Variants in AGK observed in about 807,000 individuals in gnomAD.
The protein encoded by AGK is acylglycerol kinase, mitochondrial.
AGK carries 52 observed loss-of-function variants against 66.4 expected under a neutral mutation model. The ratio of observed to expected loss-of-function variants is 0.78; its 90% CI spans 0.63 to 0.99. The LOEUF (loss-of-function observed/expected upper bound fraction) is 0.99. Ranked by LOEUF, AGK falls within the 50% of genes least tolerant of loss-of-function variation. The pLI is 0.00. For missense variants in AGK, 451 were observed against 506.6 expected, an observed-to-expected ratio of 0.89 and a Z score of 1.05; for synonymous variants, 182 against 181.1, an observed-to-expected ratio of 1.00 and a Z score of -0.04.
At chr7:141,577,820 T>TC (rs1487672817) in intron 2 of AGK, among the ~76,000 whole-genome samples, 4 of 138,996 alleles carry the variant, frequency 2.9e-5, no homozygotes, top group African/African-American at 3.0e-5. Flanking sequence ...TAAATCTTCT[T>TC]TTTTTTTTTT....
chr7:141,589,335 A>C (rs117236126), intron 2 of AGK, among the ~76,000 whole-genome samples: 1,645 of 152,332 alleles, frequency 0.011, 14 homozygotes, highest in Non-Finnish European at 0.017. Context: ...TAGTTGCTCT[A>C]TGAATTTTAA....
At chr7:141,603,378 G>A (rs986463022) in intron 5 of AGK, among the ~76,000 whole-genome samples, 2 of 152,022 alleles carry the variant, frequency 1.3e-5, no homozygotes, top group East Asian at 3.8e-4. Flanking sequence ...CCCTGTCATA[G>A]AATAACTATT....
Position 141,621,730 on chromosome 7 carries a change from A to T in AGK, c.519-2A>T. Reference sequence around the variant, plus strand: ...ATATGATCATTTCCTTTTCTCTTTTAGACATATTACTGATGCCACACTTGC... The same window carrying T: ...ATATGATCATTTCCTTTTCTCTTTTTGACATATTACTGATGCCACACTTGC... On this transcript the variant is annotated splice_acceptor_variant, in intron 8 of 15. Coordinates refer to ENST00000649286, the MANE Select transcript of AGK (RefSeq NM_018238.4). LOFTEE classifies it high-confidence loss of function. The T allele has an allele frequency of 2.5e-6, 4 of 1,609,762 alleles. No individual in the cohort carries two copies. The highest frequency in any genetic ancestry group is 3.4e-6 in the Non-Finnish European group (4 of 1,176,398).
At chr7:141,628,608 A>G (rs999508722) in intron 9 of AGK, among the ~76,000 whole-genome samples, 5 of 152,216 alleles carry the variant, frequency 3.3e-5, no homozygotes, top group African/African-American at 1.2e-4. Flanking sequence ...AGCTTTTTAG[A>G]TTGTTCAATC....
chr7:141,554,164 A>G (rs2116841436), intron 1 of AGK, among the ~76,000 whole-genome samples: 1 of 152,016 alleles, frequency 6.6e-6, no homozygotes, highest in Admixed American at 6.5e-5. Flanking sequence ...ACATAGTGAG[A>G]CCTTGTCTCT....
chr7:141,601,634 A>T (rs1366325143), intron 5 of AGK, among the ~76,000 whole-genome samples: 1 of 152,216 alleles, frequency 6.6e-6, no homozygotes, highest in Non-Finnish European at 1.5e-5. Flanking sequence ...AGTTCCACAA[A>T]CAGGTAAACC....
intron 2 of AGK, among the ~76,000 whole-genome samples, chr7:141,566,542 A>G (rs185774308): frequency 4.6e-5 from 7 of 152,266 alleles, no homozygotes; most frequent in Admixed American, 2.6e-4. Flanking sequence ...TACTCTTTCA[A>G]TTTCTACAAC....
intron 2 of AGK, among the ~76,000 whole-genome samples, chr7:141,584,164 G>A (rs1039493087): frequency 6.6e-6 from 1 of 152,092 alleles, no homozygotes; most frequent in Admixed American, 6.5e-5. Context: ...GATAAGGGTG[G>A]GGCCATTTTA....
chr7:141,596,541 C>G (rs1170769360), intron 3 of AGK, 21 bp from the exon 4 acceptor site: 1 of 1,607,856 alleles, frequency 6.2e-7, no homozygotes, highest in South Asian at 1.1e-5. Context: ...TTACTGAAAA[C>G]TTTGCTCTTT....
At chr7:141,592,520 T>A (rs1333489614) in intron 2 of AGK, among the ~76,000 whole-genome samples, 1 of 152,180 alleles carries the variant, frequency 6.6e-6, no homozygotes, top group African/African-American at 2.4e-5. Flanking sequence ...GAATCATGTC[T>A]GTAAAATCCC....
chr7:141,648,273 T>G (rs1797466227), intron 13 of AGK, among the ~76,000 whole-genome samples: 1 of 152,244 alleles, frequency 6.6e-6, no homozygotes, highest in South Asian at 2.1e-4. Context: ...CTATGATCCA[T>G]CTATTCCCTC....
chr7:141,608,259 A>G (rs1287939081), intron 5 of AGK, among the ~76,000 whole-genome samples: 2 of 152,176 alleles, frequency 1.3e-5, no homozygotes. Context: ...ACTTATTACT[A>G]TTAACTCCTA....
chr7:141,637,983 C>T (rs941464475), intron 11 of AGK, among the ~76,000 whole-genome samples: 4 of 152,086 alleles, frequency 2.6e-5, no homozygotes, highest in Non-Finnish European at 4.4e-5. Context: ...GGTTATTCCT[C>T]GAGTTTCATT....
At chr7:141,590,017 T>C (rs1265915341) in intron 2 of AGK, among the ~76,000 whole-genome samples, 1 of 152,250 alleles carries the variant, frequency 6.6e-6, no homozygotes, top group African/African-American at 2.4e-5. Flanking sequence ...AATAGCATTC[T>C]GATAAATTAA....
At chr7:141,616,979 G>A (rs934362170) in intron 8 of AGK, among the ~76,000 whole-genome samples, 7 of 151,796 alleles carry the variant, frequency 4.6e-5, no homozygotes, top group African/African-American at 1.5e-4. Context: ...GGATGGTCTC[G>A]ATCTCCTGAC....
At chr7:141,624,395 A>C (rs1162166857) in intron 9 of AGK, among the ~76,000 whole-genome samples, 2 of 152,140 alleles carry the variant, frequency 1.3e-5, no homozygotes, top group Non-Finnish European at 2.9e-5. Context: ...GATTCCTCTG[A>C]AGGATCTGGG....
intron 2 of AGK, among the ~76,000 whole-genome samples, chr7:141,566,963 T>G (rs1252864334): frequency 1.3e-5 from 2 of 152,172 alleles, no homozygotes; most frequent in African/African-American, 4.8e-5. Context: ...TAGAATAAGC[T>G]TAGTAAAATG....
At chr7:141,651,758 T>C in intron 15 of AGK, 149 bp downstream of exon 15, 1 of 723,288 alleles carries the variant, frequency 1.4e-6, no homozygotes, top group Non-Finnish European at 2.4e-6. Context: ...CTGGGTCATA[T>C]TAGCGGGGAG....
In AGK at chr7:141,582,210, A is replaced by G. The variant is rs1396545451; in HGVS notation, c.102-10936A>G. Among the ~76,000 whole-genome samples, 3 of 151,988 alleles carry G rather than the reference A, an allele frequency of 2.0e-5. No individual in the cohort carries two copies. In the East Asian group the frequency reaches 5.8e-4, roughly 29 times the overall value. On this transcript the variant is annotated intron_variant, in intron 2 of 15. Transcript: ENST00000649286. Reference sequence around the variant, plus strand: ...GCTTAGGAGGAATCCCGGGCTGCGGACATTCCTTGGCCCAGTGACCAGATT... The same window carrying G: ...GCTTAGGAGGAATCCCGGGCTGCGGGCATTCCTTGGCCCAGTGACCAGATT...
Sources: allele counts gnomAD v4.1 joint callset (sites outside exome capture counted in the v4.1 genomes callset), GRCh38; gene constraint gnomAD v4.1.1; transcripts MANE v1.5; gene names NCBI Gene and HGNC (gene_info 2026-07-23, HGNC 2026-07-21).